Variants in TMEM232 observed in about 807,000 individuals in gnomAD.
TMEM232 encodes the protein transmembrane protein 232.
Under a neutral mutation model 78.8 loss-of-function variants are expected in TMEM232, and 80 were observed. The observed-to-expected ratio is 1.01, with a 90% confidence interval of 0.85 to 1.22. TMEM232 has a LOEUF of 1.22. Among genes scored for constraint, TMEM232 ranks in the 50% most tolerant of loss-of-function variants. The pLI, the probability that TMEM232 is intolerant of heterozygous loss-of-function variation, is 0.00. For missense variants in TMEM232, 881 were observed against 742.2 expected (o/e 1.19, Z -2.17); for synonymous variants, 297 against 254.3 (o/e 1.17, Z -1.60).
intron 12 of TMEM232, among the ~76,000 whole-genome samples, chr5:110,504,509 T>C (rs1287748840): frequency 6.6e-6 from 1 of 152,200 alleles, no homozygotes; most frequent in Non-Finnish European, 1.5e-5. Flanking sequence ...AATTGACTCA[T>C]GTGATTGTAG....
intron 2 of TMEM232, among the ~76,000 whole-genome samples, chr5:110,411,446 ATTATTT>A (rs1331938576): frequency 1.3e-5 from 2 of 152,002 alleles, no homozygotes; most frequent in Non-Finnish European, 2.9e-5. Context: ...AATATATCTT[ATTATTT>A]TTAATTGTGG....
chr5:110,529,055 T>G (rs1771039127), intron 11 of TMEM232, among the ~76,000 whole-genome samples: 1 of 152,200 alleles, frequency 6.6e-6, no homozygotes, highest in Non-Finnish European at 1.5e-5. Flanking sequence ...ATGCATCCAG[T>G]CTTGAAATTT....
intron 2 of TMEM232, among the ~76,000 whole-genome samples, chr5:110,651,251 C>A (rs368318750): frequency 5.3e-5 from 8 of 151,934 alleles, no homozygotes; most frequent in Non-Finnish European, 1.5e-5. Flanking sequence ...TGAAAGTGAT[C>A]CATGCTGTGA....
intron 12 of TMEM232, among the ~76,000 whole-genome samples, chr5:110,448,444 A>T (rs552503717): frequency 2.0e-5 from 3 of 152,214 alleles, no homozygotes; most frequent in Admixed American, 1.3e-4. Flanking sequence ...AGAAACTAAC[A>T]CCTAGCCAAT....
At chr5:110,492,210 A>T (rs1360475941) in intron 12 of TMEM232, among the ~76,000 whole-genome samples, 2 of 151,850 alleles carry the variant, frequency 1.3e-5, no homozygotes, top group African/African-American at 2.4e-5. Context: ...TAATAATAAT[A>T]AAATTAAAAA....
In TMEM232 at chr5:110,420,864, T is replaced by C. The variant is rs190554929; in HGVS notation, c.1798-108A>G. On this transcript the variant is annotated intron_variant, in intron 13 of 13. Coordinates refer to ENST00000455884, the MANE Select transcript of TMEM232 (RefSeq NM_001039763.4). ...ATATCCAATTATCCTTTCAGGTTTT[T>C]TCCATGACATTCCTCAAAAATTTTA... 762 of 1,385,014 alleles carry C rather than the reference T, an allele frequency of 5.5e-4. 8 individuals carry two copies. In the African/African-American group the frequency reaches 0.01, roughly 18 times the overall value. 85.8% of individuals were successfully genotyped at this position (1,385,014 alleles called of 1,614,324 possible).
intron 10 of TMEM232, among the ~76,000 whole-genome samples, chr5:110,581,678 A>G (rs1285645871): frequency 6.6e-6 from 1 of 151,918 alleles, no homozygotes; most frequent in Non-Finnish European, 1.5e-5. Context: ...GGAACTAATT[A>G]AAGAGCTTCT....
intron 7 of TMEM232, among the ~76,000 whole-genome samples, chr5:110,618,848 G>C (rs1313776777): frequency 1.3e-5 from 2 of 152,148 alleles, no homozygotes; most frequent in Non-Finnish European, 2.9e-5. Context: ...ATAGCTATTA[G>C]ACACAATTGT....
intron 8 of TMEM232, among the ~76,000 whole-genome samples, chr5:110,617,601 C>T (rs1783102107): frequency 6.6e-6 from 1 of 152,012 alleles, no homozygotes; most frequent in Non-Finnish European, 1.5e-5. Flanking sequence ...GAAACTATGA[C>T]TCTTCTTTTT....
intron 1 of TMEM232, among the ~76,000 whole-genome samples, chr5:110,716,833 T>C (rs1797065350): frequency 6.6e-6 from 1 of 152,164 alleles, no homozygotes. Flanking sequence ...ACATTAACCA[T>C]GACTGAGGAA....
chr5:110,505,477 A>G (rs918029995), intron 12 of TMEM232, among the ~76,000 whole-genome samples: 1 of 152,082 alleles, frequency 6.6e-6, no homozygotes, highest in Admixed American at 6.6e-5. Context: ...AGTACCCAAC[A>G]TGTCCGAAAT....
rs947397789 is a variant in TMEM232 at position 110,419,857 on chromosome 5, G to A, written c.*723C>T. Among the ~76,000 whole-genome samples the A allele has an allele frequency of 3.9e-5, 6 of 152,140 alleles. No individual in the cohort carries two copies. Among genetic ancestry groups the A allele is most frequent in the African/African-American group, 1.2e-4 (5 of 41,456 alleles). On this transcript the variant is annotated 3_prime_UTR_variant, in exon 14 of 14. Transcript: ENST00000455884. ...TCATAGGTTCAGAACTTCAGATGAA[G>A]TGAAGTTCCATTTCTAAAATAACTC... is the stretch of plus-strand genomic sequence containing the variant.
chr5:110,388,163 G>A (rs1327055580), intron 4 of TMEM232: 1 of 152,160 alleles, frequency 6.6e-6, no homozygotes, highest in Non-Finnish European at 1.5e-5. Context: ...GGCTTCGGGA[G>A]GCTGTGTCTG....
chr5:110,558,592 CTCAGA>C (rs1775386736), intron 11 of TMEM232, among the ~76,000 whole-genome samples: 2 of 152,048 alleles, frequency 1.3e-5, no homozygotes, highest in Admixed American at 1.3e-4. Flanking sequence ...CAAGGGGGTG[CTCAGA>C]TAAGACTAGC....
intron 12 of TMEM232, among the ~76,000 whole-genome samples, chr5:110,523,051 G>C (rs138136434): frequency 4.2e-3 from 633 of 152,248 alleles, no homozygotes; most frequent in Non-Finnish European, 6.9e-3. Context: ...TCATCACTGG[G>C]AAGTTTTTTA....
In TMEM232 at chr5:110,425,893, T is replaced by A. The variant is rs1757178799; in HGVS notation, c.1704-977A>T. ...TCTCCTACATCAAACTGTTCATTAT[T>A]TCTCCATTAGCTTTAAGATTAAGAT... On this transcript the variant is annotated intron_variant, in intron 12 of 13. Transcript: ENST00000455884. Among the ~76,000 whole-genome samples the A allele has an allele frequency of 2.6e-5, 4 of 152,178 alleles. No homozygotes were observed. In the South Asian group the frequency reaches 8.3e-4, roughly 32 times the overall value.
chr5:110,710,458 G>C (rs1488185050), intron 1 of TMEM232, among the ~76,000 whole-genome samples: 1 of 151,892 alleles, frequency 6.6e-6, no homozygotes, highest in East Asian at 1.9e-4. Flanking sequence ...AAAACTACAG[G>C]CCAATATTTC....
chr5:110,704,896 C>T (rs1795774870), intron 1 of TMEM232, among the ~76,000 whole-genome samples: 4 of 152,044 alleles, frequency 2.6e-5, no homozygotes, highest in African/African-American at 9.7e-5. Context: ...GCTAGTGTGC[C>T]TTGTCATAGT....
intron 1 of TMEM232, among the ~76,000 whole-genome samples, chr5:110,699,168 C>T (rs2150263373): frequency 6.6e-6 from 1 of 152,194 alleles, no homozygotes. Flanking sequence ...ATTTGGAGTA[C>T]TGCACTGCCT....
Sources: allele counts gnomAD v4.1 joint callset (sites outside exome capture counted in the v4.1 genomes callset), GRCh38; gene constraint gnomAD v4.1.1; transcripts MANE v1.5; gene names NCBI Gene and HGNC (gene_info 2026-07-23, HGNC 2026-07-21).